TPP2: variants seen among roughly 807,000 people sequenced by gnomAD.
The protein encoded by TPP2 is tripeptidyl-peptidase 2.
In TPP2, 34 loss-of-function variants were observed where a neutral mutation model predicts 155.9. The ratio of observed to expected loss-of-function variants is 0.22; its 90% CI spans 0.17 to 0.29. The LOEUF is 0.29. Ranked by LOEUF, TPP2 falls within the 10% of genes least tolerant of loss-of-function variation. The pLI is 1.00. For synonymous variants in TPP2, 510 were observed against 529.4 expected (o/e 0.96, Z 0.50); for missense variants, 1,028 against 1,522.3 (o/e 0.68, Z 5.40).
intron 25 of TPP2, among the ~76,000 whole-genome samples, chr13:102,661,310 G>A (rs559349813): frequency 3.4e-5 from 5 of 147,290 alleles, no homozygotes; most frequent in African/African-American, 1.3e-4. Context: ...GACTGCAGTG[G>A]CACGATCATA....
At position 102,664,866 on chromosome 13, in the gene TPP2, C is replaced by T; in HGVS notation, c.3312C>T (p.Ala1104=). The change falls in exon 27 of 30, where the codon GCC becomes GCT. Residue 1104 remains alanine (A), a synonymous_variant. Coordinates refer to ENST00000376052, the MANE Select transcript of TPP2 (RefSeq NM_001330588.2). ...TTATTTCTCATATAGATCAAACAGC[C>T]CTAGCAGTTTATATTGCAATGAAGA... ...NAVISHIDQT[A]LAVYIAMKTD... The T allele has an allele frequency of 6.2e-7, 1 of 1,613,512 alleles. No individual in the cohort carries two copies. The highest frequency in any genetic ancestry group is 8.5e-7 in the Non-Finnish European group (1 of 1,179,764).
At chr13:102,631,970 C>T (rs1416449071) in intron 10 of TPP2, among the ~76,000 whole-genome samples, 6 of 152,114 alleles carry the variant, frequency 3.9e-5, no homozygotes, top group South Asian at 4.1e-4. Flanking sequence ...ATGTCTGGGC[C>T]GGGTGCAGTG....
At chr13:102,633,524 T>C (rs1356730791) in intron 10 of TPP2, among the ~76,000 whole-genome samples, 2 of 152,106 alleles carry the variant, frequency 1.3e-5, no homozygotes, top group Non-Finnish European at 2.9e-5. Context: ...TTATAGAAAA[T>C]GTTAATTTAT....
In TPP2 at chr13:102,679,950, T is replaced by G. The variant is rs1441735199; in HGVS notation, c.*1634T>G. The G allele has an allele frequency of 6.6e-6, 1 of 152,162 alleles. No individual in the cohort carries two copies. Among genetic ancestry groups the G allele is most frequent in the Non-Finnish European group, 1.5e-5 (1 of 68,008 alleles). 9.4% of individuals were successfully genotyped at this position (152,162 alleles called of 1,614,324 possible). A position where few individuals can be genotyped will look rare whatever the true frequency, so the allele number is the denominator to read the frequency against. On this transcript the variant is annotated 3_prime_UTR_variant, in exon 30 of 30. Transcript: ENST00000376052. ...CCTGTTTTTGTAAATAAAGTTTTAT[T>G]GGAACAGAGCCATGCCTATTCATTT...
In TPP2 at chr13:102,614,159, A is replaced by G; in HGVS notation, c.353A>G (p.Tyr118Cys). The G allele has an allele frequency of 6.2e-7, 1 of 1,613,678 alleles. No homozygotes were observed. Among genetic ancestry groups the G allele is most frequent in the South Asian group, 1.1e-5 (1 of 91,038 alleles). ...TATCATATTGGCATAAAAAATGGCT[A>G]TGACTTCTATCCTAAGGCACTCAAG... ...GKYHIGIKNGYDFYPKALKER... is the reference protein window; with the variant it reads ...GKYHIGIKNGCDFYPKALKER... The change falls in exon 3 of 30, where the codon TAT becomes TGT. Residue 118 changes from tyrosine (Y) to cysteine (C), a missense_variant. Transcript: ENST00000376052.
At chr13:102,662,666 A>G (rs1343108423) in intron 25 of TPP2, among the ~76,000 whole-genome samples, 4 of 152,166 alleles carry the variant, frequency 2.6e-5, no homozygotes, top group African/African-American at 9.6e-5. Flanking sequence ...TACAAGTTAA[A>G]TTTATTTTCA....
chr13:102,640,641 A>ATTTTTTTTTT lies in TPP2; in HGVS notation c.2020+284_2020+293dup, dbSNP rs5806315. On this transcript the variant is annotated intron_variant, in intron 16 of 29. Coordinates refer to ENST00000376052, the MANE Select transcript of TPP2 (RefSeq NM_001330588.2). ...TAGAATAATGCCTTACCTGGTAATA[A>ATTTTTTTTTT]TTTTTTTTTTTTTTTTTTTTTTTTT... Among the ~76,000 whole-genome samples the ATTTTTTTTTT allele has an allele frequency of 1.3e-3, 108 of 84,234 alleles. 7 individuals carry two copies. The highest frequency in any genetic ancestry group is 1.7e-3 in the Non-Finnish European group (82 of 47,054). 55.3% of individuals were successfully genotyped at this position (84,234 alleles called of 152,430 possible). A position where few individuals can be genotyped will look rare whatever the true frequency, so the allele number is the denominator to read the frequency against.
intron 28 of TPP2, 122 bp downstream of exon 28, chr13:102,674,612 A>G: frequency 2.1e-6 from 2 of 944,962 alleles, no homozygotes; most frequent in Non-Finnish European, 3.1e-6. Context: ...TGGGCTCTGA[A>G]TATGACATGT....
rs1448889846 is a variant in TPP2, at chr13:102,614,092, T to C, written c.295-9T>C. Reference sequence around the variant, plus strand: ...GTGAATGAACAGGTTACTCTTTTTTTTTCTGTAGATTCCTGCAAGCTGGAC... The same window carrying C: ...GTGAATGAACAGGTTACTCTTTTTTCTTCTGTAGATTCCTGCAAGCTGGAC... On this transcript the variant is annotated splice_polypyrimidine_tract_variant and intron_variant, in intron 2 of 29. Coordinates refer to ENST00000376052, the MANE Select transcript of TPP2 (RefSeq NM_001330588.2). 13 of 1,611,254 alleles carry C rather than the reference T, an allele frequency of 8.1e-6. No homozygotes were observed. In the East Asian group the frequency reaches 2.9e-4, roughly 36 times the overall value.
intron 3 of TPP2, among the ~76,000 whole-genome samples, chr13:102,615,076 G>A (rs1052343453): frequency 2.6e-5 from 4 of 152,134 alleles, no homozygotes; most frequent in South Asian, 2.1e-4. Context: ...TGCCTCTGTC[G>A]TGTTATTTCC....
At chr13:102,663,869 T>A (rs1490130113) in intron 26 of TPP2, 125 bp downstream of exon 26, 1 of 749,498 alleles carries the variant, frequency 1.3e-6, no homozygotes. Flanking sequence ...TCAAATTGAA[T>A]GTTGTGTTAA....
rs765673546 is a variant in TPP2 at position 102,674,431 on chromosome 13, G to T, written c.3520G>T (p.Asp1174Tyr). ...GGAGGAGGAAGGAGAAAGTCCTTTG[G>T]ATTCTCTGGCAGAAACATTTTGGGA... ...GKEEEGESPL[D>Y]SLAETFWETT... The change falls in exon 28 of 30, where the codon GAT becomes TAT. Residue 1174 changes from aspartate to tyrosine, a missense_variant. Asp to Tyr is a radical substitution (Grantham distance 160). This residue lies in a region of TPP2 where 116 missense variants were observed against 117.3 expected (regional missense o/e 0.99). Transcript: ENST00000376052. 40 of 1,613,752 alleles carry T rather than the reference G, an allele frequency of 2.5e-5. No homozygotes were observed. Among genetic ancestry groups the T allele is most frequent in the Non-Finnish European group, 3.2e-5 (38 of 1,179,842 alleles).
At chr13:102,677,567 T>G (rs141420765) in intron 29 of TPP2, among the ~76,000 whole-genome samples, 1 of 152,188 alleles carries the variant, frequency 6.6e-6, no homozygotes. Context: ...GCATCTCTGC[T>G]TAGCACAAAC....
chr13:102,626,980 G>A, intron 6 of TPP2, 32 bp from the exon 7 acceptor site: 2 of 1,487,450 alleles, frequency 1.3e-6, no homozygotes, highest in Non-Finnish European at 1.8e-6. Context: ...CCATGAGAAT[G>A]TTTTGTCATT....
chr13:102,634,202 A>T, intron 11 of TPP2, 104 bp downstream of exon 11: 1 of 1,478,866 alleles, frequency 6.8e-7, no homozygotes, highest in Non-Finnish European at 9.3e-7. Context: ...TTCCCTGGGC[A>T]CAAAGTAGAG....
intron 27 of TPP2, among the ~76,000 whole-genome samples, chr13:102,667,185 A>T (rs575523921): frequency 2.8e-5 from 4 of 141,792 alleles, no homozygotes; most frequent in African/African-American, 1.1e-4. Context: ...AACATCAAAA[A>T]TTGTAAAATG....
Position 102,618,827 on chromosome 13 carries a change from C to T in TPP2, c.601C>T (p.His201Tyr). 2 of 1,609,438 alleles carry T rather than the reference C, an allele frequency of 1.2e-6. No homozygotes were observed. Among genetic ancestry groups the T allele is most frequent in the Non-Finnish European group, 1.7e-6 (2 of 1,178,458 alleles). Residue 201 changes from histidine (H) to tyrosine (Y), a missense_variant, in exon 5 of 30, where the codon CAT (histidine) becomes TAT (tyrosine). Around this residue, in one of 7 missense-constraint regions of TPP2, gnomAD observed 300 missense variants for 398.3 expected, o/e 0.75. Transcript: ENST00000376052. ...CCCTGTATATGACTGCTTGGTATGG[C>T]ATGATGGCGAAGTCTGGAGGTAAAC... Reference protein sequence around the residue: ...PGPVYDCLVWHDGEVWRACID... With the variant: ...PGPVYDCLVWYDGEVWRACID...
rs1309818994 is a variant in TPP2 at position 102,640,257 on chromosome 13, TATTA to T, written c.1914-9_1914-6del. 1.3e-6 allele frequency: 2 copies of T among 1,547,314 alleles called. No homozygotes were observed. The highest frequency in any genetic ancestry group is 1.7e-4 in the Middle Eastern group (1 of 5,902). On this transcript the variant is annotated splice_polypyrimidine_tract_variant and intron_variant, in intron 15 of 29. Transcript: ENST00000376052. ...ATAAATATATACATTTAATTACTTT[TATTA>T]ATTTTCAGAGTAAATGAATCATCAC...
chr13:102,617,121 G>A (rs369599887), intron 4 of TPP2, among the ~76,000 whole-genome samples: 9 of 150,944 alleles, frequency 6.0e-5, no homozygotes, highest in East Asian at 3.9e-4. Context: ...TCACCGTGTT[G>A]GCCAGGCTGG....
Sources: gnomAD v4.1 joint callset for allele counts (sites outside exome capture counted in the v4.1 genomes callset) on GRCh38, gnomAD v4.1.1 for gene constraint, gnomAD v4.1.1 regional missense constraint, MANE v1.5 for transcripts, NCBI Gene and HGNC (gene_info 2026-07-23, HGNC 2026-07-21) for gene names.